ESR1: variants seen among roughly 807,000 people sequenced by gnomAD.
ESR1 encodes the protein estrogen receptor.
A neutral mutation model predicts 52.7 loss-of-function variants in ESR1; 12 were observed. The observed-to-expected ratio is 0.23, with a 90% confidence interval of 0.15 to 0.37. The LOEUF is 0.37. Ranked by LOEUF, ESR1 falls within the 10% of genes least tolerant of loss-of-function variation. ESR1 has a pLI of 1.00. For synonymous variants in ESR1, 305 were observed against 316.8 expected (o/e 0.96, Z 0.39); for missense variants, 584 against 779.7 (o/e 0.75, Z 2.99).
At chr6:151,669,349 G>C (rs550239907) in intron 1 of ESR1, among the ~76,000 whole-genome samples, 66 of 152,064 alleles carry the variant, frequency 4.3e-4, no homozygotes, top group Admixed American at 3.6e-3. Context: ...CCACCATGGA[G>C]AAAGTATTCA....
chr6:151,736,740 G>T (rs1782710079), intron 2 of ESR1, among the ~76,000 whole-genome samples: 1 of 152,078 alleles, frequency 6.6e-6, no homozygotes, highest in East Asian at 1.9e-4. Context: ...ACCCTTTGTT[G>T]CAGTAACTAT....
intron 4 of ESR1, among the ~76,000 whole-genome samples, chr6:151,968,637 G>A: frequency 6.6e-6 from 1 of 152,038 alleles, no homozygotes; most frequent in East Asian, 1.9e-4. Flanking sequence ...GTGGTCCATG[G>A]TGGTCTATTT....
rs767283374 is a variant in ESR1, at chr6:152,098,988, G to T, written c.*22G>T. On this transcript the variant is annotated 3_prime_UTR_variant, in exon 8 of 8. Coordinates refer to ENST00000206249, the MANE Select transcript of ESR1 (RefSeq NM_000125.4). The surrounding 1 kb of genome is among the most constrained non-coding windows in gnomAD (Gnocchi z 5.1). The stretch of plus-strand genomic sequence containing the variant: ...CTGAGAGCTCCCTGGCTCCCACACG[G>T]TTCAGATAATCCCTGCTGCATTTTA... 3.1e-6 allele frequency: 5 copies of T among 1,591,380 alleles called. No homozygotes were observed. The highest frequency in any genetic ancestry group is 4.3e-6 in the Non-Finnish European group (5 of 1,160,014).
At chr6:151,984,767 T>C (rs1225987918) in intron 4 of ESR1, among the ~76,000 whole-genome samples, 1 of 152,204 alleles carries the variant, frequency 6.6e-6, no homozygotes, top group Non-Finnish European at 1.5e-5. Context: ...TCTCTACTCA[T>C]GCTGAAATCT....
chr6:151,962,854 T>A (rs1036147990), intron 4 of ESR1, among the ~76,000 whole-genome samples: 1 of 152,226 alleles, frequency 6.6e-6, no homozygotes, highest in African/African-American at 2.4e-5. Flanking sequence ...ATGAGTTTTT[T>A]AAAATTGTGC....
intron 4 of ESR1, among the ~76,000 whole-genome samples, chr6:151,990,212 A>AT (rs1562639596): frequency 6.6e-6 from 1 of 151,838 alleles, no homozygotes; most frequent in Non-Finnish European, 1.5e-5. Flanking sequence ...TGCTTGTTTA[A>AT]TTTTTTTGGT....
chr6:151,969,891 G>A (rs1340291159), intron 4 of ESR1, among the ~76,000 whole-genome samples: 6 of 151,702 alleles, frequency 4.0e-5, no homozygotes, highest in South Asian at 2.1e-4. Flanking sequence ...TCTCCACTTC[G>A]CTTTCCTTTT....
intron 1 of ESR1, among the ~76,000 whole-genome samples, chr6:151,670,507 T>G (rs1582852668): frequency 6.6e-6 from 1 of 152,162 alleles, no homozygotes; most frequent in African/African-American, 2.4e-5. Flanking sequence ...AGTTAAACGT[T>G]TGTTGAATAA....
At chr6:151,779,117 T>A (rs941267881) in intron 2 of ESR1, among the ~76,000 whole-genome samples, 4 of 152,210 alleles carry the variant, frequency 2.6e-5, no homozygotes, top group African/African-American at 4.8e-5. Flanking sequence ...ATTTGTCAAT[T>A]TTGGCTTTTG....
chr6:152,105,803 C>T (rs1362861387), downstream of ESR1, among the ~76,000 whole-genome samples: 3 of 86,084 alleles, frequency 3.5e-5, no homozygotes, highest in African/African-American at 1.0e-4. Context: ...TTTTTTGAGA[C>T]GGAGTCTCGC....
At chr6:151,877,836 G>T (rs1792111729) in intron 2 of ESR1, among the ~76,000 whole-genome samples, 1 of 151,784 alleles carries the variant, frequency 6.6e-6, no homozygotes, top group Non-Finnish European at 1.5e-5. Context: ...TAGAGATAGG[G>T]TCTCGCTCTG....
At chr6:151,767,464 A>T (rs1583195417) in intron 2 of ESR1, among the ~76,000 whole-genome samples, 1 of 152,186 alleles carries the variant, frequency 6.6e-6, no homozygotes, top group African/African-American at 2.4e-5. Flanking sequence ...GAAGCCAATA[A>T]ATCTCCTCTC....
chr6:151,833,153 G>A (rs1350249880), intron 1 of ESR1, among the ~76,000 whole-genome samples: 1 of 152,128 alleles, frequency 6.6e-6, no homozygotes, highest in Non-Finnish European at 1.5e-5. Context: ...GTACTAACTT[G>A]GTCAGGGCAG....
chr6:152,038,405 A>G (rs2045499581), intron 5 of ESR1, among the ~76,000 whole-genome samples: 1 of 152,174 alleles, frequency 6.6e-6, no homozygotes, highest in Non-Finnish European at 1.5e-5. Context: ...ATCCTTCAAT[A>G]CAATCAAGTT....
intron 2 of ESR1, among the ~76,000 whole-genome samples, chr6:151,723,014 C>A (rs1323393970): frequency 6.6e-6 from 1 of 152,166 alleles, no homozygotes; most frequent in Non-Finnish European, 1.5e-5. Context: ...GTGGTGGGCA[C>A]TGAGCATATG....
chr6:151,908,924 T>A (rs1304638808), intron 3 of ESR1, among the ~76,000 whole-genome samples: 1 of 152,084 alleles, frequency 6.6e-6, no homozygotes, highest in African/African-American at 2.4e-5. Context: ...TCAGGTTTTG[T>A]TTTTGGAGAG....
rs1244861587 is a variant in ESR1 at position 152,102,249 on chromosome 6, T to C, written c.*3283T>C. 4.8e-6 allele frequency: 1 copy of C among 206,394 alleles called. No homozygotes were observed. Among genetic ancestry groups the C allele is most frequent in the Non-Finnish European group, 9.9e-6 (1 of 100,826 alleles). The allele number at this position is 206,394 out of a possible 1,614,324, so 12.8% of individuals were successfully genotyped here. A position where few individuals can be genotyped will look rare whatever the true frequency, so the allele number is the denominator to read the frequency against. ...AAGGTGTTCTCACCTTGAAATCTTA[T>C]ACACTGAAATGGCCATTGATTTAGG... On this transcript the variant is annotated 3_prime_UTR_variant, in exon 8 of 8. Transcript: ENST00000206249.
At chr6:152,030,399 C>T (rs552220984) in intron 5 of ESR1, among the ~76,000 whole-genome samples, 5 of 152,068 alleles carry the variant, frequency 3.3e-5, no homozygotes, top group East Asian at 1.9e-4. Flanking sequence ...ACCCATCTCA[C>T]GTGCAGAGAC....
chr6:151,918,742 ACCT>A (rs1387700817), intron 3 of ESR1, among the ~76,000 whole-genome samples: 1 of 152,146 alleles, frequency 6.6e-6, no homozygotes, highest in African/African-American at 2.4e-5. Context: ...TATGTGTATA[ACCT>A]CCTTCTCACT....
Sources: gnomAD v4.1 joint callset for allele counts (sites outside exome capture counted in the v4.1 genomes callset) on GRCh38, gnomAD v4.1.1 for gene constraint, Gnocchi (gnomAD v3.1) non-coding constraint, MANE v1.5 for transcripts, NCBI Gene and HGNC (gene_info 2026-07-23, HGNC 2026-07-21) for gene names.